The following MAP3K5 variants were observed in gnomAD, a reference collection of about 807,000 sequenced individuals.
MAP3K5 encodes mitogen-activated protein kinase kinase kinase 5.
Under a neutral mutation model 158.7 loss-of-function variants are expected in MAP3K5, and 56 were observed. The observed-to-expected ratio is 0.35, with a 90% CI of 0.28 to 0.44. The LOEUF is 0.44. MAP3K5 is among the 20% of genes least tolerant of loss of function. The pLI, the probability that MAP3K5 is intolerant of heterozygous loss-of-function variation, is 1.00. For synonymous variants in MAP3K5, 579 were observed against 601.7 expected (o/e 0.96, Z 0.55); for missense variants, 1,294 against 1,674.8 (o/e 0.77, Z 3.97).
In MAP3K5 at chr6:136,557,169, C is replaced by T. The variant is rs562421493; in HGVS notation, c.*589G>A. On this transcript the variant is annotated 3_prime_UTR_variant, in exon 30 of 30. Transcript: ENST00000359015. ...ACAGTTCAGTAGTACATAAACGACT[C>T]AAACAAATGTACGACAGGTCAGAAA... is the stretch of plus-strand genomic sequence containing the variant. 1.3e-5 allele frequency: 2 copies of T among 153,054 alleles called. No individual in the cohort carries two copies. Among genetic ancestry groups the T allele is most frequent in the Non-Finnish European group, 2.9e-5 (2 of 68,814 alleles). 9.5% of individuals were successfully genotyped at this position (153,054 alleles called of 1,614,324 possible).
chr6:136,756,867 T>C (rs1365219356), intron 1 of MAP3K5, among the ~76,000 whole-genome samples: 1 of 152,210 alleles, frequency 6.6e-6, no homozygotes, highest in African/African-American at 2.4e-5. Flanking sequence ...AGGTCTCCTT[T>C]TCCTCTTCCA....
At chr6:136,614,374 A>G in intron 15 of MAP3K5, 88 bp from the exon 16 acceptor site, 1 of 1,452,726 alleles carries the variant, frequency 6.9e-7, no homozygotes, top group East Asian at 2.3e-5. Flanking sequence ...AATGTCAGCC[A>G]AATATATGTC....
At chr6:136,568,756 G>T (rs921309048) in intron 25 of MAP3K5, among the ~76,000 whole-genome samples, 1 of 151,342 alleles carries the variant, frequency 6.6e-6, no homozygotes, top group Admixed American at 6.6e-5. Flanking sequence ...TACTTGGGAG[G>T]CTGAGGTAGG....
intron 3 of MAP3K5, among the ~76,000 whole-genome samples, chr6:136,704,072 C>T (rs1370142560): frequency 6.6e-6 from 1 of 152,088 alleles, no homozygotes; most frequent in Non-Finnish European, 1.5e-5. Context: ...TTAAAATTTA[C>T]TTTTCTCATG....
At position 136,585,622 on chromosome 6, in the gene MAP3K5, C is replaced by T. The variant is rs1038826629; in HGVS notation, c.3226-1882G>A. Among the ~76,000 whole-genome samples the T allele has an allele frequency of 2.0e-5, 3 of 152,124 alleles. No homozygotes were observed. In the East Asian group the frequency reaches 5.8e-4, roughly 29 times the overall value. The stretch of plus-strand genomic sequence containing the variant: ...TCAAGTGATTCTCCTACCTCAGCTT[C>T]CCAAGTAGCTGGGATTACAGGCACC... On this transcript the variant is annotated intron_variant, in intron 23 of 29. Coordinates refer to ENST00000359015, the MANE Select transcript of MAP3K5 (RefSeq NM_005923.4).
Position 136,639,653 on chromosome 6 carries a change from CA to C in MAP3K5, c.1839-16del. On this transcript the variant is annotated splice_polypyrimidine_tract_variant and intron_variant, in intron 12 of 29. Coordinates refer to ENST00000359015, the MANE Select transcript of MAP3K5 (RefSeq NM_005923.4). ...ATTTAGAAATACTGAAACCAACAAA[CA>C]AAAAGGCATTATTCAGAGAACTATC... is the stretch of plus-strand genomic sequence containing the variant. 6 of 1,329,246 alleles carry C rather than the reference CA, an allele frequency of 4.5e-6. No individual in the cohort carries two copies. Among genetic ancestry groups the C allele is most frequent in the African/African-American group, 1.5e-5 (1 of 67,960 alleles). The allele number at this position is 1,329,246 out of a possible 1,614,324, so 82.3% of individuals were successfully genotyped here.
At chr6:136,660,608 T>C (rs1011656636) in intron 8 of MAP3K5, among the ~76,000 whole-genome samples, 7 of 152,226 alleles carry the variant, frequency 4.6e-5, no homozygotes, top group Non-Finnish European at 8.8e-5. Context: ...ATTTTTGCAT[T>C]TTATAAGTAT....
rs543172889 is a variant in MAP3K5 at position 136,661,946 on chromosome 6, T to C, written c.1367-2568A>G. On this transcript the variant is annotated intron_variant, in intron 8 of 29. Transcript: ENST00000359015. ...GCCTTGCCATACATTTATCACATGA[T>C]TGTGACACCCAGCCAGCATTTGGAT... 2.6e-4 allele frequency among the ~76,000 whole-genome samples: 39 copies of C among 152,358 alleles called. No individual in the cohort carries two copies. The South Asian group carries it at 4.6e-3, about 18-fold the overall frequency.
intron 21 of MAP3K5, among the ~76,000 whole-genome samples, chr6:136,599,442 C>T (rs1486481917): frequency 6.6e-6 from 1 of 152,070 alleles, no homozygotes. Context: ...GGTACATAGT[C>T]ACTGAGAAGA....
intron 10 of MAP3K5, among the ~76,000 whole-genome samples, chr6:136,654,382 T>C (rs1473635915): frequency 1.3e-5 from 2 of 152,252 alleles, no homozygotes; most frequent in South Asian, 2.1e-4. Context: ...TTTTCTTGAC[T>C]AACCAGAAGT....
intron 13 of MAP3K5, among the ~76,000 whole-genome samples, chr6:136,637,679 G>C (rs1458003620): frequency 6.7e-6 from 1 of 149,674 alleles, no homozygotes; most frequent in Non-Finnish European, 1.5e-5. Context: ...TTTTCTTCTA[G>C]AGACCATTTC....
At chr6:136,637,140 A>G (rs1777676413) in intron 14 of MAP3K5, 185 bp downstream of exon 14, 12 of 1,399,048 alleles carry the variant, frequency 8.6e-6, no homozygotes, top group Non-Finnish European at 1.0e-5. Flanking sequence ...GTGGAATAAG[A>G]ATTCTCCAAT....
At chr6:136,614,366 T>C (rs1435948750) in intron 15 of MAP3K5, 80 bp from the exon 16 acceptor site, 2 of 1,507,976 alleles carry the variant, frequency 1.3e-6, no homozygotes, top group Non-Finnish European at 1.8e-6. Flanking sequence ...AAATGGAAAA[T>C]GTCAGCCAAA....
chr6:136,683,961 G>C (rs1278648247), intron 7 of MAP3K5, among the ~76,000 whole-genome samples: 1 of 152,120 alleles, frequency 6.6e-6, no homozygotes, highest in East Asian at 1.9e-4. Flanking sequence ...ACCAGGTGTG[G>C]TGGCTCCCAT....
intron 1 of MAP3K5, among the ~76,000 whole-genome samples, chr6:136,756,829 G>A (rs1385927845): frequency 6.6e-6 from 1 of 152,178 alleles, no homozygotes; most frequent in East Asian, 1.9e-4. Flanking sequence ...TCAGCACTGA[G>A]GGGCTGATGG....
chr6:136,603,541 A>C (rs1775974844), intron 19 of MAP3K5, among the ~76,000 whole-genome samples: 1 of 152,006 alleles, frequency 6.6e-6, no homozygotes, highest in African/African-American at 2.4e-5. Flanking sequence ...AGGTTAAATA[A>C]TTTGCTCAAA....
chr6:136,671,790 A>AT (rs566616523), intron 7 of MAP3K5, among the ~76,000 whole-genome samples: 148 of 136,978 alleles, frequency 1.1e-3, no homozygotes, highest in East Asian at 1.7e-3. Context: ...ATTTTTTTGT[A>AT]TTTTTTTTTT....
intron 15 of MAP3K5, among the ~76,000 whole-genome samples, chr6:136,614,834 A>G (rs1776496007): frequency 6.6e-6 from 1 of 152,142 alleles, no homozygotes; most frequent in African/African-American, 2.4e-5. Context: ...AGGCCCGTCA[A>G]TTTTTCAATA....
At chr6:136,748,153 A>T (rs1783043163) in intron 1 of MAP3K5, among the ~76,000 whole-genome samples, 1 of 152,230 alleles carries the variant, frequency 6.6e-6, no homozygotes, top group Non-Finnish European at 1.5e-5. Flanking sequence ...AGTATACAAT[A>T]TTATCCATTT....
Sources: gnomAD v4.1 joint callset for allele counts (sites outside exome capture counted in the v4.1 genomes callset) on GRCh38, gnomAD v4.1.1 for gene constraint, MANE v1.5 for transcripts, NCBI Gene and HGNC (gene_info 2026-07-23, HGNC 2026-07-21) for gene names.